The following PPA2 variants were observed in gnomAD, a reference collection of about 807,000 sequenced individuals.
PPA2 encodes inorganic pyrophosphatase 2, mitochondrial.
Under a neutral mutation model 49.5 loss-of-function variants are expected in PPA2, and 48 were observed. That is an observed-to-expected ratio of 0.97 (90% CI 0.77 to 1.23). The LOEUF (loss-of-function observed/expected upper bound fraction) is 1.23. PPA2 is among the 50% of genes most tolerant of loss of function. PPA2 has a pLI of 0.00. For synonymous variants in PPA2, 131 were observed against 139.9 expected (o/e 0.94, Z 0.45); for missense variants, 429 against 410.1 (o/e 1.05, Z -0.40).
intron 2 of PPA2, among the ~76,000 whole-genome samples, chr4:105,455,636 T>A (rs1052147884): frequency 5.3e-5 from 8 of 152,154 alleles, no homozygotes; most frequent in Admixed American, 2.0e-4. Flanking sequence ...CTTGATAAAT[T>A]ATTGATATTA....
chr4:105,382,077 A>G (rs1259248269), intron 10 of PPA2, among the ~76,000 whole-genome samples: 1 of 151,984 alleles, frequency 6.6e-6, no homozygotes, highest in Non-Finnish European at 1.5e-5. Flanking sequence ...ATAAGTTTTA[A>G]CATACACTGA....
intron 1 of PPA2, among the ~76,000 whole-genome samples, chr4:105,469,520 G>A (rs1394184994): frequency 1.3e-5 from 2 of 152,086 alleles, no homozygotes; most frequent in South Asian, 2.1e-4. Context: ...GATTACACAC[G>A]ACTACAAAAC....
Position 105,386,632 on chromosome 4 carries a change from T to C in PPA2, c.874A>G (p.Asn292Asp). ...AAAGGGCTATCAGATATCTGCACGT[T>C]TGTGCTGGAGAGGAAAAGAGAATGT... ...KCNGGAINCT[N>D]VQISDSPFRC... The change falls in exon 10 of 12, where the codon AAC becomes GAC. Residue 292 changes from asparagine (N) to aspartate (D), a missense_variant. Physicochemically the swap from Asn to Asp is conservative, Grantham distance 23. Coordinates refer to ENST00000341695, the MANE Select transcript of PPA2 (RefSeq NM_176869.3). 6.2e-7 allele frequency: 1 copy of C among 1,611,954 alleles called. No homozygotes were observed. The highest frequency in any genetic ancestry group is 8.5e-7 in the Non-Finnish European group (1 of 1,178,450).
chr4:105,405,921 A>G (rs1722450072), intron 7 of PPA2: 1 of 448,718 alleles, frequency 2.2e-6, no homozygotes, highest in African/African-American at 2.0e-5. Context: ...TATGCGATTT[A>G]TTGTATATAC....
chr4:105,387,415 T>C (rs1733726689), intron 9 of PPA2, among the ~76,000 whole-genome samples: 1 of 152,114 alleles, frequency 6.6e-6, no homozygotes, highest in Non-Finnish European at 1.5e-5. Context: ...AAAGATAAAA[T>C]AATAGGTAAA....
intron 5 of PPA2, among the ~76,000 whole-genome samples, chr4:105,440,420 C>A (rs1724299397): frequency 6.6e-6 from 1 of 152,054 alleles, no homozygotes. Flanking sequence ...CACCACCACC[C>A]TAGCTAATGT....
rs143289002 is a variant in PPA2 at position 105,421,864 on chromosome 4, G to A, written c.655+2332C>T. Among the ~76,000 whole-genome samples, 752 of 152,132 alleles carry A rather than the reference G, an allele frequency of 4.9e-3. 10 individuals are homozygous for A. The highest frequency in any genetic ancestry group is 0.017 in the African/African-American group (709 of 41,518). Reference sequence around the variant, plus strand: ...CCAAGACCAGCCTGGTTAACACGGTGAAACCCCATCTCTTCTAAAATACAA... The same window carrying A: ...CCAAGACCAGCCTGGTTAACACGGTAAAACCCCATCTCTTCTAAAATACAA... On this transcript the variant is annotated intron_variant, in intron 7 of 11. Transcript: ENST00000341695.
At chr4:105,427,014 A>G (rs937962381) in intron 6 of PPA2, among the ~76,000 whole-genome samples, 1 of 152,150 alleles carries the variant, frequency 6.6e-6, no homozygotes, top group African/African-American at 2.4e-5. Context: ...AGGCAGCAAT[A>G]TTTGCTGTTC....
At chr4:105,381,484 G>A (rs948547172) in intron 10 of PPA2, among the ~76,000 whole-genome samples, 12 of 151,852 alleles carry the variant, frequency 7.9e-5, no homozygotes, top group African/African-American at 2.9e-4. Context: ...TTGGGATTCT[G>A]ATGAAAAAAA....
At chr4:105,387,672 A>G (rs1733737765) in intron 9 of PPA2, among the ~76,000 whole-genome samples, 1 of 152,198 alleles carries the variant, frequency 6.6e-6, no homozygotes, top group Admixed American at 6.5e-5. Flanking sequence ...AGTTAGCAGT[A>G]ACATCTTTAA....
chr4:105,399,314 T>G lies in PPA2; in HGVS notation c.656-150A>C, dbSNP rs554174824. 4.4e-5 allele frequency: 29 copies of G among 662,104 alleles called. No homozygotes were observed. The South Asian group carries it at 6.5e-4, about 15-fold the overall frequency. The allele number at this position is 662,104 out of a possible 1,614,324, so 41.0% of individuals were successfully genotyped here. On this transcript the variant is annotated intron_variant, in intron 7 of 11. Transcript: ENST00000341695. ...GTGATACCTAGAGCAGCATCATCAT[T>G]GATATGTATATCACCTTCAGACTTT...
chr4:105,453,134 T>C (rs114418084), intron 3 of PPA2, among the ~76,000 whole-genome samples: 2,697 of 152,332 alleles, frequency 0.018, 40 homozygotes, highest in Middle Eastern at 0.027. Flanking sequence ...TCTGGGTTCC[T>C]GTGCTAATTC....
chr4:105,396,458 G>T, intron 8 of PPA2, 124 bp from the exon 9 acceptor site: 1 of 616,690 alleles, frequency 1.6e-6, no homozygotes, highest in Non-Finnish European at 2.6e-6. Context: ...GTCAGGCAAA[G>T]CTTGGTATAA....
At chr4:105,404,015 G>C (rs1014103677) in intron 7 of PPA2, among the ~76,000 whole-genome samples, 9 of 150,870 alleles carry the variant, frequency 6.0e-5, no homozygotes, top group Admixed American at 2.6e-4. Flanking sequence ...AACATACTTT[G>C]GAAGTAAGTT....
chr4:105,402,468 T>C (rs906062745), intron 7 of PPA2, among the ~76,000 whole-genome samples: 2 of 152,092 alleles, frequency 1.3e-5, no homozygotes, highest in African/African-American at 4.8e-5. Context: ...CTGAAAGGAG[T>C]GCAGTCTGGG....
Position 105,424,295 on chromosome 4 carries a change from C to T in PPA2, c.556G>A (p.Val186Met), listed in dbSNP as rs1723388883. The T allele has an allele frequency of 1.2e-6, 2 of 1,601,160 alleles. No homozygotes were observed. Among genetic ancestry groups the T allele is most frequent in the Non-Finnish European group, 8.5e-7 (1 of 1,176,628 alleles). ...KILSCGEVIH[V>M]KILGILALID... ...AGAGCCAAAATTCCAAGGATCTTCA[C>T]ATGAATAACTTCTCCACAAGAAAGA... Residue 186 changes from valine (V) to methionine (M), a missense_variant, in exon 7 of 12, where the codon GTG (valine) becomes ATG (methionine). By Grantham distance (21) the Val-to-Met change is conservative. Transcript: ENST00000341695.
rs759743241 is a variant in PPA2, at chr4:105,386,598, G to A, written c.908C>T (p.Thr303Ile). 1.9e-6 allele frequency: 3 copies of A among 1,612,544 alleles called. No individual in the cohort carries two copies. The highest frequency in any genetic ancestry group is 2.7e-5 in the African/African-American group (2 of 74,844). ...AACTAATGATCTTGCTTCCTCTTGA[G>A]TGCAACGGAAAGGGCTATCAGATAT... ...VQISDSPFRC[T>I]QEEARSLVES... The change falls in exon 10 of 12, where the codon ACT (threonine) becomes ATT (isoleucine). Residue 303 changes from threonine to isoleucine, a missense_variant. Physicochemically the swap from Thr to Ile is moderately conservative, Grantham distance 89. Transcript: ENST00000341695.
chr4:105,435,089 A>G (rs1205923958), intron 6 of PPA2, among the ~76,000 whole-genome samples: 1 of 152,126 alleles, frequency 6.6e-6, no homozygotes, highest in Non-Finnish European at 1.5e-5. Context: ...TCTGTTACCA[A>G]CTTCCAGGAC....
At chr4:105,444,801 C>T (rs762453261) in intron 5 of PPA2, among the ~76,000 whole-genome samples, 1 of 152,048 alleles carries the variant, frequency 6.6e-6, no homozygotes, top group African/African-American at 2.4e-5. Context: ...AGACTAAAAA[C>T]AACTTTAGGG....
Sources: allele counts gnomAD v4.1 joint callset (sites outside exome capture counted in the v4.1 genomes callset), GRCh38; gene constraint gnomAD v4.1.1; transcripts MANE v1.5; gene names NCBI Gene and HGNC (gene_info 2026-07-23, HGNC 2026-07-21).